SRPX2: variants seen among roughly 807,000 people sequenced by gnomAD.
SRPX2 encodes sushi repeat-containing protein SRPX2.
In SRPX2, 26 loss-of-function variants were observed where a neutral mutation model predicts 45.3. The ratio of observed to expected loss-of-function variants is 0.57; its 90% CI spans 0.42 to 0.80. The LOEUF (loss-of-function observed/expected upper bound fraction) is 0.80, where lower values mean the gene tolerates loss of function less well. Among genes scored for constraint, SRPX2 ranks in the 30% least tolerant of loss-of-function variants. SRPX2 has a pLI of 0.00. For missense variants in SRPX2, 355 were observed against 399.8 expected, an observed-to-expected ratio of 0.89 and a Z score of 0.95; for synonymous variants, 125 against 143.7, an observed-to-expected ratio of 0.87 and a Z score of 0.93.
At chrX:100,649,836 C>T (rs1188007003) in intron 2 of SRPX2, among the ~76,000 whole-genome samples, 1 of 112,264 alleles carries the variant, frequency 8.9e-6, no homozygotes, top group African/African-American at 3.2e-5. Context: ...AGGGAATTGT[C>T]TCTTGACTCC....
chrX:100,646,290 C>T lies in SRPX2; in HGVS notation c.-33C>T. On this transcript the variant is annotated 5_prime_UTR_variant, in exon 2 of 11. Coordinates refer to ENST00000373004, the MANE Select transcript of SRPX2 (RefSeq NM_014467.3). ...CCCTGGTACTTCAGGCCATATACATCTTTTCTTGTCTCCATAATCCTCCCT... is the reference window on the plus strand; with the variant it reads ...CCCTGGTACTTCAGGCCATATACATTTTTTCTTGTCTCCATAATCCTCCCT... 1 of 1,182,977 alleles carries T rather than the reference C, an allele frequency of 8.5e-7. No homozygotes were observed. The highest frequency in any genetic ancestry group is 1.8e-5 in the South Asian group (1 of 56,162).
chrX:100,667,261 G>A lies in SRPX2; in HGVS notation c.962-13G>A. ...AAAGCCGTACTCTGACTGGTCACCT[G>A]CTTCTGCCCTAGCTATGAAGATTAA... On this transcript the variant is annotated splice_polypyrimidine_tract_variant and intron_variant, in intron 8 of 10. Transcript: ENST00000373004. The A allele has an allele frequency of 8.3e-7, 1 of 1,211,954 alleles. No individual in the cohort carries two copies. The highest frequency in any genetic ancestry group is 1.1e-6 in the Non-Finnish European group (1 of 895,558).
At chrX:100,656,945 G>A (rs2083171086) in intron 3 of SRPX2, among the ~76,000 whole-genome samples, 1 of 103,870 alleles carries the variant, frequency 9.6e-6, no homozygotes. Flanking sequence ...TCCTTCCTTC[G>A]AGATGGAGCC....
chrX:100,659,982 A>G (rs189978320), intron 3 of SRPX2, among the ~76,000 whole-genome samples: 95 of 109,644 alleles, frequency 8.7e-4, no homozygotes, highest in Non-Finnish European at 1.7e-3. Context: ...TATTTTGTAT[A>G]GCCTGTGAGG....
At position 100,667,884 on chromosome X, in the gene SRPX2, C is replaced by T. The variant is rs144815378; in HGVS notation, c.1095+477C>T. Among the ~76,000 whole-genome samples, 1,186 of 111,801 alleles carry T rather than the reference C, an allele frequency of 0.011. 39 individuals are homozygous for T. In the South Asian group the frequency reaches 0.13, roughly 13 times the overall value. On this transcript the variant is annotated intron_variant, in intron 9 of 10. Transcript: ENST00000373004. Reference sequence around the variant, plus strand: ...TATCCCCATTGAATAGGTGAGGAAACTGATGCATAGAGATTAAGTCACTTG... The same window carrying T: ...TATCCCCATTGAATAGGTGAGGAAATTGATGCATAGAGATTAAGTCACTTG...
chrX:100,653,587 C>G (rs929881619), intron 3 of SRPX2, among the ~76,000 whole-genome samples: 24 of 112,018 alleles, frequency 2.1e-4, no homozygotes, highest in African/African-American at 7.8e-4. Flanking sequence ...AGACTGACAA[C>G]TTCCTACCTG....
intron 1 of SRPX2, among the ~76,000 whole-genome samples, chrX:100,645,915 T>A (rs1275487256): frequency 9.0e-6 from 1 of 111,468 alleles, no homozygotes; most frequent in Non-Finnish European, 1.9e-5. Context: ...AGCCTTTAGG[T>A]CACCAGGTTC....
Position 100,667,747 on chromosome X carries a change from G to A in SRPX2, c.1095+340G>A, listed in dbSNP as rs145154316. The stretch of plus-strand genomic sequence containing the variant: ...ATTTATGTTTTCAAGGAATAACAGC[G>A]CTAACAAACACTTATGCAGTAAGTG... On this transcript the variant is annotated intron_variant, in intron 9 of 10. Transcript: ENST00000373004. Among the ~76,000 whole-genome samples the A allele has an allele frequency of 1.4e-4, 16 of 112,217 alleles. No individual in the cohort carries two copies. The East Asian group carries it at 3.1e-3, about 22-fold the overall frequency.
At chrX:100,665,140 T>C (rs1427623658) in intron 5 of SRPX2, 103 bp from the exon 6 acceptor site, 10 of 1,145,489 alleles carry the variant, frequency 8.7e-6, no homozygotes, top group Non-Finnish European at 1.2e-5. Context: ...TTGAGCACCT[T>C]GAACTTTTTA....
At chrX:100,646,506 C>T in intron 2 of SRPX2, 102 bp downstream of exon 2, 3 of 784,443 alleles carry the variant, frequency 3.8e-6, no homozygotes, top group Non-Finnish European at 5.8e-6. Flanking sequence ...CACTTATTTT[C>T]TATACAGAGA....
chrX:100,650,467 C>T (rs1156322937), intron 2 of SRPX2, among the ~76,000 whole-genome samples: 1 of 111,811 alleles, frequency 8.9e-6, no homozygotes, highest in Admixed American at 9.5e-5. Flanking sequence ...GGAAATGGGT[C>T]ATTTATAGTC....
At chrX:100,652,163 A>G (rs1353159531) in intron 3 of SRPX2, among the ~76,000 whole-genome samples, 1 of 111,954 alleles carries the variant, frequency 8.9e-6, no homozygotes, top group Non-Finnish European at 1.9e-5. Flanking sequence ...ACTCTCCAGG[A>G]ACCAGCTACA....
Position 100,646,321 on chromosome X carries a change from G to A in SRPX2, c.-2G>A, listed in dbSNP as rs1231582249. 3.3e-6 allele frequency: 4 copies of A among 1,209,849 alleles called. No homozygotes were observed. The South Asian group carries it at 7.0e-5, about 21-fold the overall frequency. ...TTGTCTCCATAATCCTCCCTTTCAA[G>A]GATGGCCAGTCAGCTAACTCAAAGA... is the stretch of plus-strand genomic sequence containing the variant. On this transcript the variant is annotated 5_prime_UTR_variant, in exon 2 of 11. Coordinates refer to ENST00000373004, the MANE Select transcript of SRPX2 (RefSeq NM_014467.3).
rs769639277 is a variant in SRPX2 at position 100,670,961 on chromosome X, C to T, written c.1372C>T (p.Arg458Trp). ...GAGCAATCAGGAGTTGACCCAGCGT[C>T]GGGAGCAAAGGGACATATGCGAGTG... ...LLSNQELTQR[R>W]EQRDICE Residue 458 changes from arginine (R) to tryptophan (W), a missense_variant, in exon 11 of 11, where the codon CGG becomes TGG. Arg to Trp is a moderately radical substitution (Grantham distance 101). Transcript: ENST00000373004. 5.0e-6 allele frequency: 6 copies of T among 1,210,673 alleles called. No homozygotes were observed. Among genetic ancestry groups the T allele is most frequent in the South Asian group, 1.8e-5 (1 of 56,642 alleles).
chrX:100,647,538 G>A (rs2083139304), intron 2 of SRPX2, among the ~76,000 whole-genome samples: 1 of 112,074 alleles, frequency 8.9e-6, no homozygotes, highest in Non-Finnish European at 1.9e-5. Flanking sequence ...GGGGTTAAAG[G>A]TGCCTCAAGT....
At chrX:100,653,133 G>A (rs1272771412) in intron 3 of SRPX2, among the ~76,000 whole-genome samples, 2 of 111,485 alleles carry the variant, frequency 1.8e-5, no homozygotes, top group Non-Finnish European at 1.9e-5. Flanking sequence ...TAGAGAGAAT[G>A]AGACTGGGAT....
Position 100,664,644 on chromosome X carries a change from T to C in SRPX2, c.356-130T>C, listed in dbSNP as rs970561774. On this transcript the variant is annotated intron_variant, in intron 4 of 10. Transcript: ENST00000373004. ...GGAAAAAGGCAGTTAGGCACAAAAA[T>C]GTAAGGGCAGTTCAGGTAGGGTTTC... 12 of 673,801 alleles carry C rather than the reference T, an allele frequency of 1.8e-5. No homozygotes were observed. In the Admixed American group the frequency reaches 3.2e-4, roughly 18 times the overall value. The allele number at this position is 673,801 out of a possible 1,213,427, so 55.5% of individuals were successfully genotyped here. A position where few individuals can be genotyped will look rare whatever the true frequency, so the allele number is the denominator to read the frequency against.
At chrX:100,649,527 G>A (rs2083145919) in intron 2 of SRPX2, 1 of 111,998 alleles carries the variant, frequency 8.9e-6, no homozygotes, top group Non-Finnish European at 1.9e-5. Context: ...TCTTTCCTCT[G>A]GAATGAGGGC....
At position 100,646,148 on chromosome X, in the gene SRPX2, A is replaced by T. The variant is rs762930338; in HGVS notation, c.-130-45A>T. The T allele has an allele frequency of 1.5e-4, 71 of 470,378 alleles. No individual in the cohort carries two copies. In the African/African-American group the frequency reaches 1.6e-3, roughly 11 times the overall value. 38.8% of individuals were successfully genotyped at this position (470,378 alleles called of 1,213,427 possible). A position where few individuals can be genotyped will look rare whatever the true frequency, so the allele number is the denominator to read the frequency against. On this transcript the variant is annotated intron_variant, in intron 1 of 10. Coordinates refer to ENST00000373004, the MANE Select transcript of SRPX2 (RefSeq NM_014467.3). Reference sequence around the variant, plus strand: ...GAAAGATCCTTATGAGGGAGATAATATAAAAGGCATTCATTAATTATAAAA... The same window carrying T: ...GAAAGATCCTTATGAGGGAGATAATTTAAAAGGCATTCATTAATTATAAAA...
Sources: gnomAD v4.1 joint callset for allele counts (sites outside exome capture counted in the v4.1 genomes callset) on GRCh38, gnomAD v4.1.1 for gene constraint, MANE v1.5 for transcripts, NCBI Gene and HGNC (gene_info 2026-07-23, HGNC 2026-07-21) for gene names.